CASR: variants seen among roughly 807,000 people sequenced by gnomAD.
CASR encodes the protein calcium sensing receptor, also known as extracellular calcium-sensing receptor.
Under a neutral mutation model 69.1 loss-of-function variants are expected in CASR, and 23 were observed. The observed-to-expected ratio is 0.33, with a 90% confidence interval of 0.24 to 0.47. The LOEUF is 0.47. CASR is among the 20% of genes least tolerant of loss of function. The pLI is 1.00. For missense variants in CASR, 924 were observed against 1,356.1 expected (o/e 0.68, Z 5.00); for synonymous variants, 541 against 544.7 (o/e 0.99, Z 0.10).
chr3:122,205,002 T>C (rs773054541), intron 1 of CASR, among the ~76,000 whole-genome samples: 24 of 152,074 alleles, frequency 1.6e-4, no homozygotes, highest in Non-Finnish European at 3.1e-4. Flanking sequence ...GCAGTTTGTA[T>C]GTATTTTCTC....
At chr3:122,224,376 G>A (rs2074202653) in intron 1 of CASR, among the ~76,000 whole-genome samples, 1 of 152,096 alleles carries the variant, frequency 6.6e-6, no homozygotes, top group African/African-American at 2.4e-5. Flanking sequence ...ACAAAATTCA[G>A]TAGCATTACT....
chr3:122,266,834 C>T (rs975109952), intron 4 of CASR, among the ~76,000 whole-genome samples: 1 of 152,016 alleles, frequency 6.6e-6, no homozygotes, highest in African/African-American at 2.4e-5. Context: ...GAAACCCTGT[C>T]TCTACTAAAA....
At chr3:122,283,584 G>A in intron 6 of CASR, 103 bp from the exon 7 acceptor site, 1 of 888,934 alleles carries the variant, frequency 1.1e-6, no homozygotes. Context: ...AAAATATGTA[G>A]TGACCACATC....
intron 1 of CASR, among the ~76,000 whole-genome samples, chr3:122,223,169 C>A (rs1449482611): frequency 6.6e-6 from 1 of 151,920 alleles, no homozygotes; most frequent in Non-Finnish European, 1.5e-5. Flanking sequence ...ACTAGAAAAA[C>A]AATAGGAAAC....
intron 1 of CASR, among the ~76,000 whole-genome samples, chr3:122,219,716 C>G (rs536349554): frequency 6.6e-6 from 1 of 152,300 alleles, no homozygotes; most frequent in South Asian, 2.1e-4. Context: ...GATATGCCAC[C>G]TATGACACCA....
At chr3:122,273,034 C>G (rs377766774) in intron 4 of CASR, among the ~76,000 whole-genome samples, 120 of 152,314 alleles carry the variant, frequency 7.9e-4, no homozygotes, top group African/African-American at 2.9e-3. Context: ...TACCCTGATG[C>G]TGGGAGAGTT....
intron 1 of CASR, among the ~76,000 whole-genome samples, chr3:122,222,167 A>G (rs1176553237): frequency 6.6e-6 from 1 of 152,234 alleles, no homozygotes; most frequent in Non-Finnish European, 1.5e-5. Flanking sequence ...GGACTGGAAG[A>G]GGCCCTTTGC....
chr3:122,258,468 T>A (rs970649886), intron 3 of CASR, among the ~76,000 whole-genome samples: 3 of 152,002 alleles, frequency 2.0e-5, no homozygotes, highest in Non-Finnish European at 4.4e-5. Context: ...TTAAAGGTGT[T>A]TCCCATGGGG....
At chr3:122,260,943 G>A (rs1344639551) in intron 3 of CASR, among the ~76,000 whole-genome samples, 1 of 152,166 alleles carries the variant, frequency 6.6e-6, no homozygotes, top group Non-Finnish European at 1.5e-5. Flanking sequence ...ATAACCAGAG[G>A]AGGGGAAGAG....
intron 4 of CASR, 140 bp from the exon 5 acceptor site, chr3:122,275,672 A>G (rs1189634078): frequency 2.8e-6 from 2 of 717,728 alleles, no homozygotes; most frequent in Middle Eastern, 3.6e-4. Flanking sequence ...TGAATTAGAA[A>G]AAGCTGTCTC....
rs548552531 is a variant in CASR, at chr3:122,237,719, T to G, written c.-242-16229T>G. On this transcript the variant is annotated intron_variant, in intron 1 of 6. Transcript: ENST00000639785. ...TTTAAATACATTTTGGGAACATAGG[T>G]AGATACAATATAATCATATAAAAGG... 2.0e-5 allele frequency among the ~76,000 whole-genome samples: 3 copies of G among 152,222 alleles called. No individual in the cohort carries two copies. The East Asian group carries it at 5.8e-4, about 29-fold the overall frequency.
chr3:122,191,924 G>T (rs1350323276), intron 1 of CASR, among the ~76,000 whole-genome samples: 1 of 152,208 alleles, frequency 6.6e-6, no homozygotes, highest in Non-Finnish European at 1.5e-5. Context: ...TAATGCTAGT[G>T]GAGTGGGGCA....
At chr3:122,261,505 A>T in intron 3 of CASR, 23 bp from the exon 4 acceptor site, 2 of 1,612,722 alleles carry the variant, frequency 1.2e-6, no homozygotes, top group Non-Finnish European at 1.7e-6. Flanking sequence ...TCACTCATTC[A>T]CCATGTTCTT....
Position 122,253,805 on chromosome 3 carries a change from A to G in CASR, c.-242-143A>G, listed in dbSNP as rs2074523611. ...CTGTATTTTACATGAAGTGCTATAAAAATGTGACTCCAAGCCAGGCCTTTT... is the reference window on the plus strand; with the variant it reads ...CTGTATTTTACATGAAGTGCTATAAGAATGTGACTCCAAGCCAGGCCTTTT... On this transcript the variant is annotated intron_variant, in intron 1 of 6. Coordinates refer to ENST00000639785, the MANE Select transcript of CASR (RefSeq NM_000388.4). The G allele has an allele frequency of 1.2e-5, 3 of 253,100 alleles. No homozygotes were observed. In the Admixed American group the frequency reaches 1.5e-4, roughly 13 times the overall value. 15.7% of individuals were successfully genotyped at this position (253,100 alleles called of 1,614,324 possible). A position where few individuals can be genotyped will look rare whatever the true frequency, so the allele number is the denominator to read the frequency against.
chr3:122,254,411 T>C, intron 2 of CASR, 37 bp downstream of exon 2: 2 of 1,591,810 alleles, frequency 1.3e-6, no homozygotes, highest in Non-Finnish European at 1.7e-6. Flanking sequence ...TCTCTTCTCT[T>C]CTGAGTGGTT....
At chr3:122,199,430 T>C (rs1225007841) in intron 1 of CASR, among the ~76,000 whole-genome samples, 4 of 152,264 alleles carry the variant, frequency 2.6e-5, no homozygotes, top group Non-Finnish European at 5.9e-5. Context: ...TGAATTATTG[T>C]ATTTGCAGTG....
intron 4 of CASR, among the ~76,000 whole-genome samples, chr3:122,274,657 T>C (rs1313602811): frequency 2.0e-5 from 3 of 152,154 alleles, no homozygotes; most frequent in African/African-American, 4.8e-5. Context: ...ACTCCAGCAC[T>C]TTGGGAGGCT....
Position 122,289,614 on chromosome 3 carries a change from A to G in CASR, c.*4423A>G, listed in dbSNP as rs760086839. The G allele has an allele frequency of 6.6e-6, 1 of 152,482 alleles. No homozygotes were observed. Among genetic ancestry groups the G allele is most frequent in the Non-Finnish European group, 1.5e-5 (1 of 68,240 alleles). 9.4% of individuals were successfully genotyped at this position (152,482 alleles called of 1,614,324 possible). On this transcript the variant is annotated 3_prime_UTR_variant, in exon 7 of 7. Transcript: ENST00000639785. ...GGGCAGGAAGCCGGGCAGAGCCAGCATGAAGGTGCCTCTGGGAACTGGAGG... is the reference window on the plus strand; with the variant it reads ...GGGCAGGAAGCCGGGCAGAGCCAGCGTGAAGGTGCCTCTGGGAACTGGAGG...
intron 1 of CASR, among the ~76,000 whole-genome samples, chr3:122,244,942 G>C (rs1401122989): frequency 6.6e-6 from 1 of 151,988 alleles, no homozygotes; most frequent in Non-Finnish European, 1.5e-5. Flanking sequence ...CATGTTTAAC[G>C]TTTATGTCCC....
Sources: gnomAD v4.1 joint callset for allele counts (sites outside exome capture counted in the v4.1 genomes callset) on GRCh38, gnomAD v4.1.1 for gene constraint, MANE v1.5 for transcripts, NCBI Gene and HGNC (gene_info 2026-07-23, HGNC 2026-07-21) for gene names.